Variants in DNAI7 observed in about 807,000 individuals in gnomAD.
The protein encoded by DNAI7 is cancer susceptibility 1.
In DNAI7, 78 loss-of-function variants were observed where a neutral mutation model predicts 86.6. The observed-to-expected ratio is 0.90, with a 90% CI of 0.75 to 1.09. The LOEUF (loss-of-function observed/expected upper bound fraction) is 1.09. Among genes scored for constraint, DNAI7 ranks in the 50% least tolerant of loss-of-function variants. The pLI, the probability that DNAI7 is intolerant of heterozygous loss-of-function variation, is 0.00. For synonymous variants in DNAI7, 274 were observed against 273.0 expected, an observed-to-expected ratio of 1.00 and a Z score of -0.04; for missense variants, 753 against 810.2, an observed-to-expected ratio of 0.93 and a Z score of 0.86.
chr12:25,108,693 TCTTCTTTAAGTG>T lies in DNAI7; in HGVS notation c.2012_2023del (p.Ala671_Glu674del), dbSNP rs752872619. 36 of 1,613,564 alleles carry T rather than the reference TCTTCTTTAAGTG, an allele frequency of 2.2e-5. No homozygotes were observed. Among genetic ancestry groups the T allele is most frequent in the Non-Finnish European group, 2.9e-5 (34 of 1,179,930 alleles). On this transcript the variant is annotated inframe_deletion, in exon 16 of 16. Coordinates refer to ENST00000395987, the MANE Select transcript of DNAI7 (RefSeq NM_018272.5). ...ATATAAAGTAGAATGAAACTCAGTT[TCTTCTTTAAGTG>T]CTTCAGAAAATGCCTCACTCTCTTC... is the stretch of plus-strand genomic sequence containing the variant.
At chr12:25,137,641 C>T (rs908559982) in intron 9 of DNAI7, among the ~76,000 whole-genome samples, 1 of 152,044 alleles carries the variant, frequency 6.6e-6, no homozygotes, top group Admixed American at 6.6e-5. Context: ...CCTGTTGTCT[C>T]CAAGAGACTC....
chr12:25,111,645 T>C (rs1405686682), intron 14 of DNAI7, 127 bp downstream of exon 14: 19 of 418,518 alleles, frequency 4.5e-5, no homozygotes, highest in Non-Finnish European at 2.4e-5. Context: ...TTTTCACTTA[T>C]TTCTTTATAA....
chr12:25,118,473 G>A (rs1442591525), intron 12 of DNAI7, among the ~76,000 whole-genome samples: 1 of 151,566 alleles, frequency 6.6e-6, no homozygotes, highest in African/African-American at 2.4e-5. Flanking sequence ...ATGTTGGCCA[G>A]GCTAATGTCA....
chr12:25,194,008 G>T (rs1252479450), intron 1 of DNAI7, among the ~76,000 whole-genome samples: 3 of 152,018 alleles, frequency 2.0e-5, no homozygotes, highest in Non-Finnish European at 4.4e-5. Context: ...TTTTAGTAGA[G>T]ACTGGGTTTC....
rs757487733 is a variant in DNAI7, at chr12:25,161,099, T to C, written c.106+14A>G. 65 of 1,598,722 alleles carry C rather than the reference T, an allele frequency of 4.1e-5. No individual in the cohort carries two copies. The highest frequency in any genetic ancestry group is 3.3e-4 in the Middle Eastern group (2 of 6,048). The stretch of plus-strand genomic sequence containing the variant: ...TACCTGTATAGGTAAATAGTATCAC[T>C]ATTTATTTTGTACCTTCCTCTTTCA... On this transcript the variant is annotated intron_variant, in intron 3 of 15. Coordinates refer to ENST00000395987, the MANE Select transcript of DNAI7 (RefSeq NM_018272.5).
downstream of DNAI7, chr12:25,107,091 T>TG: frequency 2.6e-6 from 3 of 1,134,896 alleles, no homozygotes; most frequent in South Asian, 4.0e-5. Flanking sequence ...TTTAGTGGAA[T>TG]GGGAAAGGGT....
At chr12:25,169,168 G>A (rs1362080150) in intron 2 of DNAI7, among the ~76,000 whole-genome samples, 1 of 152,182 alleles carries the variant, frequency 6.6e-6, no homozygotes, top group Non-Finnish European at 1.5e-5. Flanking sequence ...TACACATCCA[G>A]ATGGCTGGTT....
intron 12 of DNAI7, among the ~76,000 whole-genome samples, chr12:25,117,721 TA>T: frequency 6.6e-6 from 1 of 152,092 alleles, no homozygotes; most frequent in East Asian, 1.9e-4. Context: ...GGCTCAAAAA[TA>T]AAAAGGTATA....
intron 2 of DNAI7, among the ~76,000 whole-genome samples, chr12:25,174,049 C>CAT (rs1027770906): frequency 1.4e-5 from 2 of 145,634 alleles, no homozygotes; most frequent in Non-Finnish European, 1.5e-5. Flanking sequence ...ATATATATAT[C>CAT]ATATATATAT....
chr12:25,151,931 T>A (rs1207008081), intron 6 of DNAI7, among the ~76,000 whole-genome samples: 1 of 152,156 alleles, frequency 6.6e-6, no homozygotes, highest in Non-Finnish European at 1.5e-5. Flanking sequence ...AGTTAAACTA[T>A]AGCAGCAATG....
intron 2 of DNAI7, among the ~76,000 whole-genome samples, chr12:25,180,168 A>G (rs568272906): frequency 6.6e-6 from 1 of 152,276 alleles, no homozygotes; most frequent in Admixed American, 6.5e-5. Context: ...CAAATCAAGA[A>G]CTCAATCCCA....
intron 4 of DNAI7, 103 bp from the exon 5 acceptor site, chr12:25,155,515 C>A: frequency 3.8e-6 from 2 of 521,222 alleles, no homozygotes; most frequent in South Asian, 6.4e-5. Flanking sequence ...ACTGCAGTTT[C>A]AAAATGAATA....
chr12:25,124,601 G>A (rs561811390), intron 9 of DNAI7, among the ~76,000 whole-genome samples: 4 of 152,262 alleles, frequency 2.6e-5, no homozygotes, highest in African/African-American at 9.6e-5. Context: ...CCTAAAGGTA[G>A]TAAGTTTGAA....
chr12:25,133,680 CAGA>C (rs1336937425), intron 9 of DNAI7, among the ~76,000 whole-genome samples: 2 of 152,154 alleles, frequency 1.3e-5, no homozygotes, highest in Non-Finnish European at 2.9e-5. Flanking sequence ...GGGTTTTCAG[CAGA>C]AGGATAGAGC....
Position 25,144,458 on chromosome 12 carries a change from T to A in DNAI7, c.909A>T (p.Glu303Asp). 6.2e-7 allele frequency: 1 copy of A among 1,614,190 alleles called. No individual in the cohort carries two copies. Among genetic ancestry groups the A allele is most frequent in the Non-Finnish European group, 8.5e-7 (1 of 1,180,020 alleles). Residue 303 changes from glutamate to aspartate, a missense_variant, in exon 9 of 16, where the codon GAA (glutamate) becomes GAT (aspartate). By Grantham distance (45) the Glu-to-Asp change is conservative. Coordinates refer to ENST00000395987, the MANE Select transcript of DNAI7 (RefSeq NM_018272.5). ...NVEKAISKEV[E>D]EESKQQERGS... ...CTCTTTCTTGTTGTTTGGACTCTTC[T>A]TCGACCTCCTTGCTGATTGCTTTTT...
intron 3 of DNAI7, among the ~76,000 whole-genome samples, chr12:25,159,441 A>G (rs1035419884): frequency 1.3e-5 from 2 of 152,138 alleles, no homozygotes; most frequent in African/African-American, 2.4e-5. Context: ...AAAGAAAAAA[A>G]AAAAGAAAGA....
chr12:25,175,656 T>C (rs1313729859), intron 2 of DNAI7, among the ~76,000 whole-genome samples: 1 of 152,036 alleles, frequency 6.6e-6, no homozygotes, highest in African/African-American at 2.4e-5. Flanking sequence ...CTCTACACAT[T>C]TTTAAGGTGT....
rs371326822 is a variant in DNAI7 at position 25,119,247 on chromosome 12, A to G, written c.1294T>C (p.Phe432Leu). Residue 432 changes from phenylalanine (F) to leucine (L), a missense_variant, in exon 12 of 16, where the codon TTT becomes CTT. By Grantham distance (22) the Phe-to-Leu change is conservative (BLOSUM62 0). Coordinates refer to ENST00000395987, the MANE Select transcript of DNAI7 (RefSeq NM_018272.5). ...YTYPPETTEE[F>L]ETENAFPPIE... ...GGTGGGAAAGCATTTTCTGTCTCAA[A>G]CTCTTCTGTAGTTTCCGGAGGATAT... 6.2e-7 allele frequency: 1 copy of G among 1,612,056 alleles called. No individual in the cohort carries two copies. Among genetic ancestry groups the G allele is most frequent in the Non-Finnish European group, 8.5e-7 (1 of 1,178,496 alleles).
chr12:25,132,535 C>T (rs1943056785), intron 9 of DNAI7, among the ~76,000 whole-genome samples: 1 of 140,554 alleles, frequency 7.1e-6, no homozygotes, highest in South Asian at 2.1e-4. Flanking sequence ...ACTGTTTTTG[C>T]TACTATAAAA....
Sources: gnomAD v4.1 joint callset for allele counts (sites outside exome capture counted in the v4.1 genomes callset) on GRCh38, gnomAD v4.1.1 for gene constraint, MANE v1.5 for transcripts, NCBI Gene and HGNC (gene_info 2026-07-23, HGNC 2026-07-21) for gene names.